Variants in GREB1L observed in about 807,000 individuals in gnomAD.
GREB1L encodes GREB1 like retinoic acid receptor coactivator.
A neutral mutation model predicts 200.8 loss-of-function variants in GREB1L; 17 were observed. That is an observed-to-expected ratio of 0.08 (90% CI 0.06 to 0.13). GREB1L has a LOEUF of 0.13. GREB1L is among the 10% of genes least tolerant of loss of function. GREB1L has a pLI of 1.00. For synonymous variants in GREB1L, 789 were observed against 893.0 expected (o/e 0.88, Z 2.08); for missense variants, 1,657 against 2,367.7 (o/e 0.70, Z 6.23).
At chr18:21,465,253 G>T (rs980524042) in intron 15 of GREB1L, among the ~76,000 whole-genome samples, 3 of 151,946 alleles carry the variant, frequency 2.0e-5, no homozygotes, top group Admixed American at 6.6e-5. Flanking sequence ...AATCTCCCCA[G>T]CCCCAAAACC....
At chr18:21,389,212 T>C (rs184773265) in intron 4 of GREB1L, among the ~76,000 whole-genome samples, 50 of 152,316 alleles carry the variant, frequency 3.3e-4, no homozygotes, top group Admixed American at 2.4e-3. Context: ...AATACCTACA[T>C]TTATTTTATG....
At position 21,444,296 on chromosome 18, in the gene GREB1L, A is replaced by G. The variant is rs1328986160; in HGVS notation, c.1280A>G (p.Tyr427Cys). The change falls in exon 11 of 33, where the codon TAC becomes TGC. Residue 427 changes from tyrosine (Y) to cysteine (C), a missense_variant. Tyr to Cys is a radical substitution (Grantham distance 194). Transcript: ENST00000424526. The stretch of plus-strand genomic sequence containing the variant: ...GTGAGTCCTCTGCTGGTGAATTGCT[A>G]CAAGATTCCACAGTTGGAAAACAAA... ...IVVSPLLVNC[Y>C]KIPQLENKDL... 2.6e-6 allele frequency: 4 copies of G among 1,551,398 alleles called. No homozygotes were observed. Among genetic ancestry groups the G allele is most frequent in the Non-Finnish European group, 1.7e-6 (2 of 1,146,540 alleles).
chr18:21,395,604 G>C, intron 5 of GREB1L, 43 bp downstream of exon 5: 1 of 1,349,362 alleles, frequency 7.4e-7, no homozygotes. Context: ...ATATGAGGGA[G>C]TTAAAATACA....
At chr18:21,383,222 T>C (rs2091192366) in intron 2 of GREB1L, among the ~76,000 whole-genome samples, 1 of 152,276 alleles carries the variant, frequency 6.6e-6, no homozygotes, top group Admixed American at 6.5e-5. Context: ...AGGTCAGTCT[T>C]GATTTACTGG....
intron 2 of GREB1L, among the ~76,000 whole-genome samples, chr18:21,371,072 T>TA: frequency 6.6e-6 from 1 of 151,940 alleles, no homozygotes; most frequent in South Asian, 2.1e-4. Context: ...GTCAACAGAG[T>TA]AAGACTCTGT....
intron 1 of GREB1L, among the ~76,000 whole-genome samples, chr18:21,319,866 G>C (rs2038926062): frequency 6.6e-6 from 1 of 152,186 alleles, no homozygotes; most frequent in African/African-American, 2.4e-5. Context: ...TAATGCAAGA[G>C]CTTCCCCAGA....
At position 21,496,607 on chromosome 18, in the gene GREB1L, G is replaced by A. The variant is rs1379831305; in HGVS notation, c.3300G>A (p.Glu1100=). ...VALDLSGKEQ[E]RAAVSENDSD... is the part of the protein sequence containing the mutation. ...TGGACCTCAGCGGGAAGGAGCAGGA[G>A]AGAGCTGCTGTCAGTGAGAATGACT... Residue 1100 remains glutamate (E), a synonymous_variant, in exon 21 of 33, where the codon GAG becomes GAA. Coordinates refer to ENST00000424526, the MANE Select transcript of GREB1L (RefSeq NM_001142966.3). 2 of 1,551,606 alleles carry A rather than the reference G, an allele frequency of 1.3e-6. No homozygotes were observed. Among genetic ancestry groups the A allele is most frequent in the Admixed American group, 3.9e-5 (2 of 50,984 alleles).
At chr18:21,403,019 G>A (rs2041383008) in intron 6 of GREB1L, among the ~76,000 whole-genome samples, 1 of 152,036 alleles carries the variant, frequency 6.6e-6, no homozygotes, top group Non-Finnish European at 1.5e-5. Flanking sequence ...GCAGGTCATA[G>A]CATAGAAGGT....
At chr18:21,250,335 GC>G (rs1379781260) in intron 1 of GREB1L, among the ~76,000 whole-genome samples, 1 of 152,084 alleles carries the variant, frequency 6.6e-6, no homozygotes, top group African/African-American at 2.4e-5. Flanking sequence ...AATTCCTCCT[GC>G]CACATTTGCC....
intron 1 of GREB1L, among the ~76,000 whole-genome samples, chr18:21,256,535 G>A (rs1291929302): frequency 6.6e-6 from 1 of 152,114 alleles, no homozygotes; most frequent in Non-Finnish European, 1.5e-5. Flanking sequence ...ACATTCTCTG[G>A]TAGGCTCATT....
intron 19 of GREB1L, among the ~76,000 whole-genome samples, chr18:21,492,134 C>T (rs1331057254): frequency 6.6e-6 from 1 of 151,980 alleles, no homozygotes; most frequent in African/African-American, 2.4e-5. Flanking sequence ...ATCACAAGGT[C>T]AGGAGATCAA....
At chr18:21,372,172 A>G (rs1322659363) in intron 2 of GREB1L, among the ~76,000 whole-genome samples, 27 of 149,698 alleles carry the variant, frequency 1.8e-4, no homozygotes, top group Admixed American at 6.0e-4. Flanking sequence ...TTTTTGAGAC[A>G]GAGTCTCGCT....
intron 14 of GREB1L, 43 bp downstream of exon 14, chr18:21,452,260 A>G (rs1459478059): frequency 2.4e-5 from 37 of 1,534,264 alleles, no homozygotes; most frequent in Non-Finnish European, 3.2e-5. Flanking sequence ...AGTCCTTGGG[A>G]CAGACATTGT....
chr18:21,363,266 C>A (rs2039605292), intron 1 of GREB1L, among the ~76,000 whole-genome samples: 1 of 60,564 alleles, frequency 1.7e-5, no homozygotes, highest in Non-Finnish European at 3.2e-5. Context: ...GCTCCCCCTG[C>A]CCCCACTCCG....
At chr18:21,509,595 A>G (rs779363830) in intron 27 of GREB1L, among the ~76,000 whole-genome samples, 2 of 152,186 alleles carry the variant, frequency 1.3e-5, no homozygotes, top group Non-Finnish European at 2.9e-5. Context: ...AATATTTTCA[A>G]AAATGGTTTT....
chr18:21,472,015 G>T (rs1409235249), intron 15 of GREB1L, among the ~76,000 whole-genome samples: 3 of 152,196 alleles, frequency 2.0e-5, no homozygotes, highest in Non-Finnish European at 2.9e-5. Context: ...GACTACATTT[G>T]GGTGGGAATT....
chr18:21,315,308 C>G (rs1468227466), intron 1 of GREB1L, among the ~76,000 whole-genome samples: 1 of 152,086 alleles, frequency 6.6e-6, no homozygotes, highest in Non-Finnish European at 1.5e-5. Context: ...GCAGGCTGGT[C>G]TTGAATTCCT....
intron 1 of GREB1L, among the ~76,000 whole-genome samples, chr18:21,335,750 G>A (rs1385782403): frequency 6.7e-6 from 1 of 150,072 alleles, no homozygotes; most frequent in African/African-American, 2.5e-5. Context: ...TGCAAGCTCC[G>A]CCTTCCGGGT....
At chr18:21,478,744 G>C (rs1343480325) in intron 17 of GREB1L, among the ~76,000 whole-genome samples, 1 of 152,206 alleles carries the variant, frequency 6.6e-6, no homozygotes, top group Non-Finnish European at 1.5e-5. Context: ...AGTTGAGGTA[G>C]GGGTGAGATA....
Sources: allele counts gnomAD v4.1 joint callset (sites outside exome capture counted in the v4.1 genomes callset), GRCh38; gene constraint gnomAD v4.1.1; transcripts MANE v1.5; gene names NCBI Gene and HGNC (gene_info 2026-07-23, HGNC 2026-07-21).